LTBP3: variants seen among roughly 807,000 people sequenced by gnomAD.
LTBP3 encodes latent-transforming growth factor beta-binding protein 3.
In LTBP3, 97 loss-of-function variants were observed where a neutral mutation model predicts 159.7. The observed-to-expected ratio is 0.61, with a 90% CI of 0.52 to 0.72. LTBP3 has a LOEUF of 0.72. Among genes scored for constraint, LTBP3 ranks in the 30% least tolerant of loss-of-function variants. The probability of loss-of-function intolerance (pLI) is 0.00; values close to 1 mark genes in which losing one functional copy is unlikely to be tolerated. For synonymous variants in LTBP3, 824 were observed against 777.1 expected (o/e 1.06, Z -1.00); for missense variants, 1,584 against 1,864.3 (o/e 0.85, Z 2.77).
intron 11 of LTBP3, 109 bp from the exon 12 acceptor site, chr11:65,548,154 C>T (rs572282465): frequency 6.0e-5 from 89 of 1,488,892 alleles, no homozygotes; most frequent in Non-Finnish European, 7.1e-5. Flanking sequence ...GGTTCCTGTA[C>T]GCCCATACTC....
In LTBP3 at chr11:65,557,635, G is replaced by A; in HGVS notation, c.325C>T (p.Arg109Cys). 6.2e-7 allele frequency: 1 copy of A among 1,609,766 alleles called. No individual in the cohort carries two copies. Among genetic ancestry groups the A allele is most frequent in the Non-Finnish European group, 8.5e-7 (1 of 1,179,816 alleles). The change falls in exon 1 of 28, where the codon CGC becomes TGC. Residue 109 changes from arginine (R) to cysteine (C), a missense_variant. Physicochemically the swap from Arg to Cys is radical, Grantham distance 180 (BLOSUM62 -3). Around this residue, in one of 6 missense-constraint regions of LTBP3, gnomAD observed 76 missense variants for 133.3 expected, o/e 0.57. Coordinates refer to ENST00000301873, the MANE Select transcript of LTBP3 (RefSeq NM_001130144.3). ...CCGTGCCCCCGGCCCTCACCCACGC[G>A]GAAGCCGGAGCCCGTGAGCGTGTCT... Reference protein sequence around the residue: ...STDTLTGSGFRVVVCPLPCMN... With the variant: ...STDTLTGSGFCVVVCPLPCMN...
rs1170785195 is a variant in LTBP3, at chr11:65,557,878, G to C, written c.82C>G (p.Leu28Val). The C allele has an allele frequency of 1.5e-6, 2 of 1,318,580 alleles. No individual in the cohort carries two copies. Among genetic ancestry groups the C allele is most frequent in the South Asian group, 1.9e-5 (1 of 52,070 alleles). 81.7% of individuals were successfully genotyped at this position (1,318,580 alleles called of 1,614,324 possible). Residue 28 changes from leucine to valine, a missense_variant, in exon 1 of 28, where the codon CTG becomes GTG. Physicochemically the swap from Leu to Val is conservative, Grantham distance 32. Transcript: ENST00000301873. The stretch of plus-strand genomic sequence containing the variant: ...CCCAGCAGCAGCAGCAGCAGCAGCA[G>C]CAGCAGCGCCAGCAGCCCCGCCGCC... ...AGAAGLLALLLLLLLLLLGLG... is the reference protein window; with the variant it reads ...AGAAGLLALLVLLLLLLLGLG...
intron 11 of LTBP3, among the ~76,000 whole-genome samples, chr11:65,550,023 C>A (rs1486807359): frequency 6.8e-6 from 1 of 147,602 alleles, no homozygotes; most frequent in Non-Finnish European, 1.5e-5. Flanking sequence ...ATTGCATGAA[C>A]AAAAACAGAC....
At position 65,547,001 on chromosome 11, in the gene LTBP3, C is replaced by T. The variant is rs1218261786; in HGVS notation, c.2108-81G>A. 6.3e-7 allele frequency: 1 copy of T among 1,579,430 alleles called. No homozygotes were observed. The highest frequency in any genetic ancestry group is 2.2e-5 in the East Asian group (1 of 44,594). Reference sequence around the variant, plus strand: ...CTCCCAGCGTCCACAGCAGGGACTTCCTCCCACACAGATCAACGAGGCTCC... The same window carrying T: ...CTCCCAGCGTCCACAGCAGGGACTTTCTCCCACACAGATCAACGAGGCTCC... On this transcript the variant is annotated intron_variant, in intron 14 of 27. Coordinates refer to ENST00000301873, the MANE Select transcript of LTBP3 (RefSeq NM_001130144.3). This position sits in a 1 kb window ranked among gnomAD's most constrained non-coding sequence, Gnocchi z 4.6.
intron 21 of LTBP3, 119 bp from the exon 22 acceptor site, chr11:65,540,733 A>G (rs1192417882): frequency 1.4e-5 from 21 of 1,508,386 alleles, no homozygotes; most frequent in Non-Finnish European, 1.8e-5. Flanking sequence ...GGCGGGGCCT[A>G]CAGGGCGGGG....
chr11:65,548,492 C>A, intron 11 of LTBP3: 1 of 251,054 alleles, frequency 4.0e-6, no homozygotes, highest in East Asian at 8.8e-5. Flanking sequence ...CCCAGGGACC[C>A]GACCCCCTAT....
intron 16 of LTBP3, chr11:65,543,887 C>T (rs936381387): frequency 2.7e-6 from 1 of 376,480 alleles, no homozygotes; most frequent in South Asian, 2.2e-5. Context: ...GTTCTTCCCA[C>T]TTTCTTCTGC....
Position 65,553,871 on chromosome 11 carries a change from C to T in LTBP3, c.694G>A (p.Val232Ile). The change falls in exon 3 of 28, where the codon GTC (valine) becomes ATC (isoleucine). Residue 232 changes from valine to isoleucine, a missense_variant. This residue lies in a region of LTBP3 where 194 missense variants were observed against 198.7 expected (regional missense o/e 0.98). Coordinates refer to ENST00000301873, the MANE Select transcript of LTBP3 (RefSeq NM_001130144.3). The surrounding 1 kb of genome is among the most constrained non-coding windows in gnomAD (Gnocchi z 6.5). ...QAPPPVVNVR[V>I]HHPPEASVQV... ...ACTGAGGCCTCGGGCGGGTGATGGA[C>T]GCGCACATTCACCACGGGGGGCGGG... 4.5e-6 allele frequency: 7 copies of T among 1,556,904 alleles called. No individual in the cohort carries two copies. The highest frequency in any genetic ancestry group is 6.0e-6 in the Non-Finnish European group (7 of 1,157,942).
chr11:65,557,590 T>A, intron 1 of LTBP3, 39 bp downstream of exon 1: 1 of 1,603,248 alleles, frequency 6.2e-7, no homozygotes, highest in Non-Finnish European at 8.5e-7. Flanking sequence ...GCCTGGTGCC[T>A]GTCCTTCCCC....
chr11:65,541,980 T>A, intron 18 of LTBP3: 2 of 479,144 alleles, frequency 4.2e-6, no homozygotes, highest in Non-Finnish European at 7.8e-6. Flanking sequence ...TGGAAAGGCC[T>A]CAAATGCAAT....
At position 65,540,889 on chromosome 11, in the gene LTBP3, C is replaced by G; in HGVS notation, c.2959G>C (p.Gly987Arg). ...CGCTTACCACGGTGGGCTGGGATGC[C>G]GTAGTTGACGATGTTGTTGTCCTGG... is the stretch of plus-strand genomic sequence containing the variant. ...YTQDNNIVNY[G>R]IPAHRDIDEC... is the part of the protein sequence containing the mutation. Residue 987 changes from glycine (G) to arginine (R), a missense_variant, in exon 21 of 28, where the codon GGC (glycine) becomes CGC (arginine). This residue lies in a region of LTBP3 where 514 missense variants were observed against 530.3 expected (regional missense o/e 0.97). Transcript: ENST00000301873. The G allele has an allele frequency of 6.2e-7, 1 of 1,612,912 alleles. No individual in the cohort carries two copies. The highest frequency in any genetic ancestry group is 8.5e-7 in the Non-Finnish European group (1 of 1,179,590).
intron 11 of LTBP3, chr11:65,548,247 CCT>C (rs1031458292): frequency 1.9e-5 from 14 of 726,510 alleles, no homozygotes; most frequent in Non-Finnish European, 3.3e-5. Context: ...ACTCCAGGCC[CCT>C]GACAGCCGTA....
rs755334596 is a variant in LTBP3 at position 65,552,428 on chromosome 11, ATGGGCATCTGAGCC to A, written c.1187-36_1187-23del. On this transcript the variant is annotated intron_variant, in intron 6 of 27. Transcript: ENST00000301873. The surrounding 1 kb of genome is among the most constrained non-coding windows in gnomAD (Gnocchi z 6.0). ...TCTGCTGCAGGGGCCAGTGGGGGGCATGGGCATCTGAGCCTGCACATTGCCCACGTCCCTCTGCC... is the reference window on the plus strand; with the variant it reads ...TCTGCTGCAGGGGCCAGTGGGGGGCATGCACATTGCCCACGTCCCTCTGCC... 8 of 1,610,758 alleles carry A rather than the reference ATGGGCATCTGAGCC, an allele frequency of 5.0e-6. No individual in the cohort carries two copies. The South Asian group carries it at 8.8e-5, about 18-fold the overall frequency.
In LTBP3 at chr11:65,538,815, G is replaced by C; in HGVS notation, c.*265C>G. The C allele has an allele frequency of 1.2e-6, 1 of 824,180 alleles. No homozygotes were observed. The highest frequency in any genetic ancestry group is 2.2e-5 in the South Asian group (1 of 45,830). The allele number at this position is 824,180 out of a possible 1,614,324, so 51.1% of individuals were successfully genotyped here. A position where few individuals can be genotyped will look rare whatever the true frequency, so the allele number is the denominator to read the frequency against. On this transcript the variant is annotated 3_prime_UTR_variant, in exon 28 of 28. Coordinates refer to ENST00000301873, the MANE Select transcript of LTBP3 (RefSeq NM_001130144.3). The stretch of plus-strand genomic sequence containing the variant: ...AACATCAATTTGCTTCGAAAGCCAA[G>C]GGTAAAGAGGCACGATCTGATTTAT...
intron 16 of LTBP3, chr11:65,544,616 C>T (rs757446984): frequency 6.5e-6 from 1 of 152,734 alleles, no homozygotes; most frequent in South Asian, 2.1e-4. Context: ...GCTTTGACTT[C>T]CATAAAGCCC....
At chr11:65,540,806 G>A (rs1003105861) in intron 21 of LTBP3, 65 bp downstream of exon 21, 131 of 1,539,294 alleles carry the variant, frequency 8.5e-5, no homozygotes, top group Non-Finnish European at 4.8e-5. Flanking sequence ...GAGTCCCGGC[G>A]GGATCCGGGC....
intron 26 of LTBP3, 38 bp from the exon 27 acceptor site, chr11:65,539,497 C>T (rs1485737204): frequency 1.3e-6 from 2 of 1,594,564 alleles, no homozygotes; most frequent in East Asian, 2.3e-5. Context: ...CAACACTGAG[C>T]CCCGGCCAAA....
Position 65,539,800 on chromosome 11 carries a change from G to A in LTBP3, c.3467C>T (p.Ala1156Val). The A allele has an allele frequency of 6.5e-7, 1 of 1,540,688 alleles. No homozygotes were observed. The highest frequency in any genetic ancestry group is 1.4e-5 in the African/African-American group (1 of 73,042). The change falls in exon 25 of 28, where the codon GCC becomes GTC. Residue 1156 changes from alanine to valine, a missense_variant. Ala to Val is a moderately conservative substitution (Grantham distance 64). This residue lies in a region of LTBP3 where 514 missense variants were observed against 530.3 expected (regional missense o/e 0.97). Coordinates refer to ENST00000301873, the MANE Select transcript of LTBP3 (RefSeq NM_001130144.3). ...GCAGCAGCAGTCGTCGAAGGTGAGG[G>A]CAGGCCCGGCCAGGGGGCCAGCGCA... is the stretch of plus-strand genomic sequence containing the variant. The part of the protein sequence containing the change: ...GMCAGPLAGP[A>V]LTFDDCCCRQ...
intron 11 of LTBP3, 121 bp from the exon 12 acceptor site, chr11:65,548,166 A>C: frequency 7.1e-7 from 1 of 1,410,214 alleles, no homozygotes. Context: ...CCCATACTCC[A>C]ACTCCAGGAT....
Sources: allele counts gnomAD v4.1 joint callset (sites outside exome capture counted in the v4.1 genomes callset), GRCh38; gene constraint gnomAD v4.1.1; regional missense constraint gnomAD v4.1.1; non-coding constraint Gnocchi (gnomAD v3.1); transcripts MANE v1.5; gene names NCBI Gene and HGNC (gene_info 2026-07-23, HGNC 2026-07-21).